The following PTPRT variants were observed in gnomAD, a reference collection of about 807,000 sequenced individuals.
PTPRT encodes the protein receptor-type tyrosine-protein phosphatase T.
A neutral mutation model predicts 176.8 loss-of-function variants in PTPRT; 56 were observed. The observed-to-expected ratio is 0.32, with a 90% CI of 0.26 to 0.40. The LOEUF (loss-of-function observed/expected upper bound fraction) is 0.40. Among genes scored for constraint, PTPRT ranks in the 10% least tolerant of loss-of-function variants. The probability of loss-of-function intolerance (pLI) is 1.00; values close to 1 mark genes in which losing one functional copy is unlikely to be tolerated. For missense variants in PTPRT, 1,540 were observed against 1,908.2 expected (o/e 0.81, Z 3.60); for synonymous variants, 783 against 739.0 (o/e 1.06, Z -0.96).
At chr20:42,724,619 T>C (rs1228956225) in intron 6 of PTPRT, among the ~76,000 whole-genome samples, 3 of 152,202 alleles carry the variant, frequency 2.0e-5, no homozygotes, top group Admixed American at 2.0e-4. Context: ...TTTCCTCAAT[T>C]CTGCTCATAT....
intron 1 of PTPRT, among the ~76,000 whole-genome samples, chr20:43,136,673 C>A (rs955864488): frequency 6.6e-6 from 1 of 152,152 alleles, no homozygotes; most frequent in Non-Finnish European, 1.5e-5. Context: ...CCTCAGACAC[C>A]TCCACACCCT....
the PTPRT span, among the ~76,000 whole-genome samples, chr20:42,038,974 A>C: frequency 0.64 from 97,543 of 152,022 alleles, 32,439 homozygotes; most frequent in African/African-American, 0.81. Flanking sequence ...TCTCCCCGAT[A>C]CTTCCTATTC....
At chr20:43,171,005 G>T (rs934843021) in intron 1 of PTPRT, among the ~76,000 whole-genome samples, 1 of 152,198 alleles carries the variant, frequency 6.6e-6, no homozygotes. Flanking sequence ...CTGCGTGACT[G>T]AGTATGTGCA....
At chr20:43,022,090 C>T (rs1985707191) in intron 1 of PTPRT, among the ~76,000 whole-genome samples, 2 of 152,210 alleles carry the variant, frequency 1.3e-5, no homozygotes, top group Admixed American at 1.3e-4. Flanking sequence ...GTCACTCATT[C>T]TGCAAAGAAG....
chr20:42,803,695 A>C (rs923905154), intron 2 of PTPRT, among the ~76,000 whole-genome samples: 11 of 152,222 alleles, frequency 7.2e-5, no homozygotes, highest in African/African-American at 2.4e-4. Context: ...CTGGAATTAC[A>C]GGCATGTGCC....
chr20:42,355,560 G>T (rs1210762936), intron 9 of PTPRT, among the ~76,000 whole-genome samples: 2 of 152,182 alleles, frequency 1.3e-5, no homozygotes, highest in Non-Finnish European at 2.9e-5. Flanking sequence ...GATGGGAAAA[G>T]GTTTGGACAG....
intron 1 of PTPRT, among the ~76,000 whole-genome samples, chr20:43,099,848 C>A (rs1203540432): frequency 6.6e-6 from 1 of 152,148 alleles, no homozygotes; most frequent in Admixed American, 6.5e-5. Context: ...CTCGCATGGT[C>A]ATCATTTCTG....
intron 1 of PTPRT, among the ~76,000 whole-genome samples, chr20:42,901,613 G>A (rs1277509189): frequency 6.6e-6 from 1 of 152,020 alleles, no homozygotes; most frequent in Non-Finnish European, 1.5e-5. Flanking sequence ...GTTCTGGCTT[G>A]CCACGATTGC....
intron 18 of PTPRT, among the ~76,000 whole-genome samples, chr20:42,139,529 G>A (rs1988526485): frequency 6.6e-6 from 1 of 152,198 alleles, no homozygotes; most frequent in Admixed American, 6.5e-5. Context: ...ACTCCAGAAG[G>A]AACTTCAGGA....
chr20:42,948,820 G>A lies in PTPRT; in HGVS notation c.89-62888C>T, dbSNP rs564274023. 4.6e-5 allele frequency among the ~76,000 whole-genome samples: 7 copies of A among 152,282 alleles called. No homozygotes were observed. The East Asian group carries it at 5.8e-4, about 13-fold the overall frequency. On this transcript the variant is annotated intron_variant, in intron 1 of 30. Coordinates refer to ENST00000373187, the MANE Select transcript of PTPRT (RefSeq NM_007050.6). ...GATAACCAACAACCCCAGCTAGAGC[G>A]ATGACTGCCACATCTGTATCACCAG... is the stretch of plus-strand genomic sequence containing the variant.
At chr20:42,329,473 GCACACACACA>G (rs374374950) in intron 11 of PTPRT, among the ~76,000 whole-genome samples, 1 of 144,992 alleles carries the variant, frequency 6.9e-6, no homozygotes, top group African/African-American at 2.5e-5. Context: ...GAATATAGTG[GCACACACACA>G]CACACACACA....
At chr20:42,085,904 A>G (rs1568912064) in intron 27 of PTPRT, 51 bp from the exon 28 acceptor site, 2 of 1,517,072 alleles carry the variant, frequency 1.3e-6, no homozygotes, top group South Asian at 1.2e-5. Flanking sequence ...GGGGGCGGGT[A>G]TCAAAGTCTC....
intron 23 of PTPRT, among the ~76,000 whole-genome samples, chr20:42,108,730 G>A (rs181845575): frequency 7.2e-5 from 11 of 152,260 alleles, no homozygotes; most frequent in Middle Eastern, 6.8e-3. Context: ...ATTAAGAGGA[G>A]GCAGAGAATA....
chr20:43,099,975 A>G (rs1568784963), intron 1 of PTPRT, among the ~76,000 whole-genome samples: 1 of 152,334 alleles, frequency 6.6e-6, no homozygotes, highest in Admixed American at 6.5e-5. Flanking sequence ...TAGGGACTCA[A>G]TCAATATCCA....
chr20:42,701,192 G>C (rs1048643998), intron 6 of PTPRT, among the ~76,000 whole-genome samples: 1 of 152,180 alleles, frequency 6.6e-6, no homozygotes, highest in African/African-American at 2.4e-5. Flanking sequence ...GGAAGGAAGA[G>C]AGTGGGGATA....
In PTPRT at chr20:42,929,273, C is replaced by T. The variant is rs891447602; in HGVS notation, c.89-43341G>A. 5.3e-5 allele frequency among the ~76,000 whole-genome samples: 8 copies of T among 152,230 alleles called. No individual in the cohort carries two copies. In the East Asian group the frequency reaches 5.8e-4, roughly 11 times the overall value. ...AATTAAATAAGTTGTGATACACTCA[C>T]GCACTTGAAGTGCGTGTCATTATCA... On this transcript the variant is annotated intron_variant, in intron 1 of 30. Transcript: ENST00000373187.
chr20:42,608,438 T>G (rs550308861), intron 7 of PTPRT, among the ~76,000 whole-genome samples: 1 of 152,172 alleles, frequency 6.6e-6, no homozygotes, highest in East Asian at 1.9e-4. Flanking sequence ...CCTTGGATAA[T>G]AGCTTTGATT....
At chr20:42,082,783 A>C (rs781032324) in intron 29 of PTPRT, among the ~76,000 whole-genome samples, 10 of 152,362 alleles carry the variant, frequency 6.6e-5, no homozygotes, top group Middle Eastern at 3.4e-3. Flanking sequence ...TCCCTGTAGG[A>C]ATATGCCTGA....
At chr20:42,408,063 A>T (rs1053491612) in intron 9 of PTPRT, among the ~76,000 whole-genome samples, 1 of 152,166 alleles carries the variant, frequency 6.6e-6, no homozygotes, top group Non-Finnish European at 1.5e-5. Flanking sequence ...AATATTATAA[A>T]TGTCAGTCTT....
Sources: gnomAD v4.1 joint callset for allele counts (sites outside exome capture counted in the v4.1 genomes callset) on GRCh38, gnomAD v4.1.1 for gene constraint, MANE v1.5 for transcripts, NCBI Gene and HGNC (gene_info 2026-07-23, HGNC 2026-07-21) for gene names.